The following DNAJC17 variants were observed in gnomAD, a reference collection of about 807,000 sequenced individuals.
The protein encoded by DNAJC17 is dnaJ homolog subfamily C member 17.
A neutral mutation model predicts 48.1 loss-of-function variants in DNAJC17; 35 were observed. The ratio of observed to expected loss-of-function variants is 0.73; its 90% CI spans 0.56 to 0.96. The LOEUF (loss-of-function observed/expected upper bound fraction) is 0.96. DNAJC17 is among the 50% of genes least tolerant of loss of function. DNAJC17 has a pLI of 0.00. For synonymous variants in DNAJC17, 117 were observed against 142.7 expected (o/e 0.82, Z 1.28); for missense variants, 355 against 377.1 (o/e 0.94, Z 0.48).
In DNAJC17 at chr15:40,767,098, C is replaced by T. The variant is rs1015169133; in HGVS notation, c.*842G>A. 2.6e-5 allele frequency: 25 copies of T among 944,018 alleles called. No homozygotes were observed. The highest frequency in any genetic ancestry group is 3.1e-5 in the Non-Finnish European group (21 of 671,652). The allele number at this position is 944,018 out of a possible 1,614,324, so 58.5% of individuals were successfully genotyped here. On this transcript the variant is annotated 3_prime_UTR_variant, in exon 11 of 11. Coordinates refer to ENST00000220496, the MANE Select transcript of DNAJC17 (RefSeq NM_018163.3). ...GGCAGGGGGCGTGCACTTACCCCAG[C>T]GCCCAGCAAGCAGCCAGCAAGTGTG...
chr15:40,779,252 A>C lies in DNAJC17; in HGVS notation c.266T>G (p.Leu89Arg). 6.2e-7 allele frequency: 1 copy of C among 1,614,046 alleles called. No individual in the cohort carries two copies. Residue 89 changes from leucine to arginine, a missense_variant, in exon 4 of 11, where the codon CTT becomes CGT. This residue lies in a region of DNAJC17 where 199 missense variants were observed against 199.9 expected (regional missense o/e 1.00). Coordinates refer to ENST00000220496, the MANE Select transcript of DNAJC17 (RefSeq NM_018163.3). ...CTTCACTTTCTTCCTTTTCTCATCA[A>C]GTTTCTGGGTCCTCTCTGCTGCTTG... is the stretch of plus-strand genomic sequence containing the variant. Reference protein sequence around the residue: ...KKQAAERTQKLDEKRKKVKLD... With the variant: ...KKQAAERTQKRDEKRKKVKLD...
chr15:40,775,208 GC>G, intron 7 of DNAJC17, 100 bp from the exon 8 acceptor site: 1 of 1,301,532 alleles, frequency 7.7e-7, no homozygotes, highest in South Asian at 1.2e-5. Flanking sequence ...CACCCTCCAA[GC>G]CTCCAAGGCT....
At position 40,773,729 on chromosome 15, in the gene DNAJC17, T is replaced by G. The variant is rs1432044445; in HGVS notation, c.790A>C (p.Lys264Gln). The change falls in exon 10 of 11, where the codon AAG becomes CAG. Residue 264 changes from lysine (K) to glutamine (Q), a missense_variant and splice_region_variant. Transcript: ENST00000220496. Reference protein sequence around the residue: ...AVGRSHSGLSKGSVLSERDYE... With the variant: ...AVGRSHSGLSQGSVLSERDYE... ...CCGGGCGAGGCCTGACTCCTCACCTTTGACAGTCCTGAGTGGCTGCGGCCC... is the reference window on the plus strand; with the variant it reads ...CCGGGCGAGGCCTGACTCCTCACCTGTGACAGTCCTGAGTGGCTGCGGCCC... The G allele has an allele frequency of 3.7e-6, 6 of 1,613,230 alleles. No homozygotes were observed. Among genetic ancestry groups the G allele is most frequent in the Non-Finnish European group, 5.1e-6 (6 of 1,179,586 alleles).
chr15:40,791,334 C>T (rs926640990), intron 1 of DNAJC17, among the ~76,000 whole-genome samples: 21 of 152,090 alleles, frequency 1.4e-4, no homozygotes, highest in African/African-American at 5.1e-4. Flanking sequence ...TTGAGACCAG[C>T]CTGGCCAACA....
intron 2 of DNAJC17, 66 bp from the exon 3 acceptor site, chr15:40,779,669 C>CAAAA: frequency 8.0e-7 from 1 of 1,248,372 alleles, no homozygotes; most frequent in Non-Finnish European, 1.1e-6. Context: ...TGTGCTCCCT[C>CAAAA]AAAAAAAAAA....
intron 1 of DNAJC17, among the ~76,000 whole-genome samples, chr15:40,802,684 G>A (rs2141965628): frequency 6.6e-6 from 1 of 152,154 alleles, no homozygotes; most frequent in South Asian, 2.1e-4. Context: ...AGGGCATCAG[G>A]GCATCAGGGC....
chr15:40,777,116 G>A (rs940540874), intron 4 of DNAJC17, among the ~76,000 whole-genome samples: 8 of 152,188 alleles, frequency 5.3e-5, no homozygotes, highest in Admixed American at 2.0e-4. Context: ...GGGATGGGCA[G>A]AGTGTTAGGG....
chr15:40,774,459 AT>A (rs1348892816), intron 8 of DNAJC17, 23 bp from the exon 9 acceptor site: 2 of 1,613,584 alleles, frequency 1.2e-6, no homozygotes, highest in Non-Finnish European at 1.7e-6. Flanking sequence ...AGGGGTCCTA[AT>A]AAGCATGACT....
intron 1 of DNAJC17, among the ~76,000 whole-genome samples, chr15:40,785,101 C>T (rs1264670194): frequency 6.6e-6 from 1 of 151,862 alleles, no homozygotes; most frequent in Non-Finnish European, 1.5e-5. Context: ...TCCATAACAA[C>T]AACAACAACA....
At chr15:40,783,524 G>C (rs1213261098) in intron 1 of DNAJC17, among the ~76,000 whole-genome samples, 1 of 152,190 alleles carries the variant, frequency 6.6e-6, no homozygotes, top group Non-Finnish European at 1.5e-5. Context: ...CAGGGATGTA[G>C]GGGGGTTTTG....
intron 1 of DNAJC17, among the ~76,000 whole-genome samples, chr15:40,787,544 C>T (rs960306617): frequency 2.0e-5 from 3 of 152,232 alleles, no homozygotes; most frequent in South Asian, 2.1e-4. Context: ...CTAAAGCAGA[C>T]TGCCAGGATA....
chr15:40,803,010 G>A (rs1001276563), intron 1 of DNAJC17, among the ~76,000 whole-genome samples: 10 of 151,956 alleles, frequency 6.6e-5, no homozygotes, highest in Admixed American at 6.6e-5. Flanking sequence ...GGCTGAGGTG[G>A]GAGGATTGCT....
intron 1 of DNAJC17, among the ~76,000 whole-genome samples, chr15:40,803,069 TC>T (rs1355822351): frequency 7.1e-6 from 1 of 141,394 alleles, no homozygotes; most frequent in Non-Finnish European, 1.5e-5. Context: ...TGCCACTGAC[TC>T]CAGCGTGGGT....
At chr15:40,790,500 A>G (rs1257806949) in intron 1 of DNAJC17, among the ~76,000 whole-genome samples, 1 of 151,996 alleles carries the variant, frequency 6.6e-6, no homozygotes, top group Non-Finnish European at 1.5e-5. Context: ...AATCACTTGA[A>G]CCCAGGAGGC....
rs1195008019 is a variant in DNAJC17 at position 40,765,999 on chromosome 15, G to A, written c.*1941C>T. The A allele has an allele frequency of 2.4e-5, 16 of 659,882 alleles. No individual in the cohort carries two copies. Among genetic ancestry groups the A allele is most frequent in the Non-Finnish European group, 4.0e-5 (16 of 398,034 alleles). The allele number at this position is 659,882 out of a possible 1,614,324, so 40.9% of individuals were successfully genotyped here. A position where few individuals can be genotyped will look rare whatever the true frequency, so the allele number is the denominator to read the frequency against. On this transcript the variant is annotated 3_prime_UTR_variant, in exon 11 of 11. Transcript: ENST00000220496. ...TCTGCTCCCTTTATACAACCTCCAAGCCCAGGGACAGGGCCCAGCATCAGA... is the reference window on the plus strand; with the variant it reads ...TCTGCTCCCTTTATACAACCTCCAAACCCAGGGACAGGGCCCAGCATCAGA...
chr15:40,776,664 G>A (rs1596078523), intron 4 of DNAJC17, 37 bp from the exon 5 acceptor site: 14 of 1,606,052 alleles, frequency 8.7e-6, no homozygotes, highest in Non-Finnish European at 1.2e-5. Context: ...CTGCTGGTCT[G>A]TTCAGTTTCC....
At chr15:40,805,988 C>G (rs935628985) in intron 1 of DNAJC17, among the ~76,000 whole-genome samples, 2 of 151,786 alleles carry the variant, frequency 1.3e-5, no homozygotes, top group Non-Finnish European at 2.9e-5. Context: ...AATATTGAAA[C>G]ACGAGAGAGG....
chr15:40,782,819 G>A (rs1308517225), intron 1 of DNAJC17, among the ~76,000 whole-genome samples: 1 of 152,076 alleles, frequency 6.6e-6, no homozygotes, highest in Non-Finnish European at 1.5e-5. Flanking sequence ...CACCTGCTGG[G>A]CCATAGCCAG....
At chr15:40,786,503 A>G (rs1339540636) in intron 1 of DNAJC17, among the ~76,000 whole-genome samples, 1 of 152,042 alleles carries the variant, frequency 6.6e-6, no homozygotes, top group African/African-American at 2.4e-5. Flanking sequence ...ATCTCTAAAA[A>G]GAGAAAGAAA....
Sources: allele counts gnomAD v4.1 joint callset (sites outside exome capture counted in the v4.1 genomes callset), GRCh38; gene constraint gnomAD v4.1.1; regional missense constraint gnomAD v4.1.1; transcripts MANE v1.5; gene names NCBI Gene and HGNC (gene_info 2026-07-23, HGNC 2026-07-21).